The following ZNF892 variants were observed in gnomAD, a reference collection of about 807,000 sequenced individuals.
ZNF892 encodes the protein zinc finger protein 570-like.
the ZNF892 span, among the ~76,000 whole-genome samples, chr2:95,233,204 C>CA: frequency 7.0e-6 from 1 of 143,690 alleles, no homozygotes; most frequent in Non-Finnish European, 1.5e-5. Flanking sequence ...TTTTCCTTTT[C>CA]TTTTTTTTTT....
chr2:95,259,194 T>G, the ZNF892 span: 6 of 152,424 alleles, frequency 3.9e-5, no homozygotes, highest in Non-Finnish European at 7.3e-5. Context: ...AAGATCAGAG[T>G]GCCCTCGTTG....
At chr2:95,211,103 G>C in the ZNF892 span, among the ~76,000 whole-genome samples, 1 of 152,120 alleles carries the variant, frequency 6.6e-6, no homozygotes, top group African/African-American at 2.4e-5. Flanking sequence ...TTGGGCTTCA[G>C]ATACTGTTTT....
the ZNF892 span, among the ~76,000 whole-genome samples, chr2:95,224,730 A>G: frequency 1.3e-5 from 2 of 152,230 alleles, no homozygotes; most frequent in South Asian, 4.1e-4. Flanking sequence ...TGTGTCCCCT[A>G]AAGTTCATGT....
the ZNF892 span, among the ~76,000 whole-genome samples, chr2:95,227,255 C>A: frequency 6.6e-6 from 1 of 151,868 alleles, no homozygotes; most frequent in Admixed American, 6.6e-5. Flanking sequence ...ACAGGATTGC[C>A]GACATCATGA....
At chr2:95,232,898 A>G in the ZNF892 span, among the ~76,000 whole-genome samples, 1 of 152,028 alleles carries the variant, frequency 6.6e-6, no homozygotes, top group Non-Finnish European at 1.5e-5. Flanking sequence ...TGGAGGACAC[A>G]TAATGGGTAC....
chr2:95,216,250 T>G, the ZNF892 span, among the ~76,000 whole-genome samples: 2 of 152,320 alleles, frequency 1.3e-5, no homozygotes, highest in Non-Finnish European at 2.9e-5. Flanking sequence ...AACTAAGGAA[T>G]GTTGGCTGCA....
the ZNF892 span, among the ~76,000 whole-genome samples, chr2:95,225,376 G>A: frequency 3.9e-5 from 6 of 152,136 alleles, no homozygotes; most frequent in East Asian, 1.9e-4. Flanking sequence ...AGGGAAGTTC[G>A]AGATCAAGGG....
chr2:95,236,317 C>T, the ZNF892 span, among the ~76,000 whole-genome samples: 16 of 152,208 alleles, frequency 1.1e-4, no homozygotes, highest in African/African-American at 3.4e-4. Context: ...AATGTCTCAA[C>T]GTTATTTACA....
the ZNF892 span, among the ~76,000 whole-genome samples, chr2:95,227,815 G>A: frequency 1.3e-5 from 2 of 151,620 alleles, no homozygotes; most frequent in East Asian, 1.9e-4. Flanking sequence ...ATAGGGTCTC[G>A]CTATGGTACA....
the ZNF892 span, among the ~76,000 whole-genome samples, chr2:95,234,743 C>T: frequency 1.3e-5 from 2 of 152,226 alleles, no homozygotes; most frequent in Non-Finnish European, 2.9e-5. Flanking sequence ...CCCTGTATGT[C>T]TCCTCATCTG....
the ZNF892 span, among the ~76,000 whole-genome samples, chr2:95,257,603 A>G: frequency 6.6e-6 from 1 of 152,190 alleles, no homozygotes. Context: ...AAGCTGTCAG[A>G]CAGGGACATT....
chr2:95,240,874 T>A, the ZNF892 span, among the ~76,000 whole-genome samples: 4 of 152,188 alleles, frequency 2.6e-5, no homozygotes, highest in Admixed American at 2.6e-4. Flanking sequence ...GCAGCATAGC[T>A]GCTTTGCCAG....
the ZNF892 span, among the ~76,000 whole-genome samples, chr2:95,227,077 GA>G: frequency 1.1e-4 from 17 of 151,810 alleles, 1 homozygote; most frequent in South Asian, 2.1e-4. Flanking sequence ...AGAAAGGAGG[GA>G]CCTGAGGCTC....
the ZNF892 span, among the ~76,000 whole-genome samples, chr2:95,258,518 G>A: frequency 4.6e-5 from 7 of 152,338 alleles, no homozygotes; most frequent in East Asian, 1.4e-3. Flanking sequence ...GGGAACAGAT[G>A]TGGGTTACAG....
At chr2:95,207,935 CGA>C in the ZNF892 span, 1 of 398,046 alleles carries the variant, frequency 2.5e-6, no homozygotes, top group Non-Finnish European at 4.4e-6. Flanking sequence ...AGTAGCGTCA[CGA>C]GCCCCTTCCT....
At chr2:95,214,526 T>C in the ZNF892 span, 3 of 398,458 alleles carry the variant, frequency 7.5e-6, no homozygotes, top group African/African-American at 6.2e-5. Flanking sequence ...AGAAATCTTC[T>C]AGGGAGAGAA....
At chr2:95,255,611 T>G in the ZNF892 span, among the ~76,000 whole-genome samples, 8 of 152,230 alleles carry the variant, frequency 5.3e-5, no homozygotes, top group East Asian at 1.5e-3. Flanking sequence ...GGTGCAGAGC[T>G]GAGTTCAATT....
At chr2:95,241,052 C>T in the ZNF892 span, among the ~76,000 whole-genome samples, 81 of 152,318 alleles carry the variant, frequency 5.3e-4, no homozygotes, top group Middle Eastern at 3.4e-3. Context: ...GTGATTTGGT[C>T]GACTCAGCCA....
At chr2:95,211,873 TTTTAAC>T in the ZNF892 span, among the ~76,000 whole-genome samples, 2 of 152,252 alleles carry the variant, frequency 1.3e-5, no homozygotes, top group African/African-American at 4.8e-5. Context: ...CTGGATATAG[TTTTAAC>T]ACTCCTGGAA....
Sources: gnomAD v4.1 joint callset for allele counts (sites outside exome capture counted in the v4.1 genomes callset) on GRCh38, gnomAD v4.1.1 for gene constraint, MANE v1.5 for transcripts, NCBI Gene and HGNC (gene_info 2026-07-23, HGNC 2026-07-21) for gene names.